CEMIP: variants seen among roughly 807,000 people sequenced by gnomAD.
CEMIP encodes cell migration-inducing and hyaluronan-binding protein.
Under a neutral mutation model 156.9 loss-of-function variants are expected in CEMIP, and 105 were observed. The observed-to-expected ratio is 0.67, with a 90% CI of 0.57 to 0.79. The LOEUF is 0.79. Ranked by LOEUF, CEMIP falls within the 30% of genes least tolerant of loss-of-function variation. CEMIP has a pLI of 0.00. For missense variants in CEMIP, 1,457 were observed against 1,769.4 expected, an observed-to-expected ratio of 0.82 and a Z score of 3.17; for synonymous variants, 676 against 668.4, an observed-to-expected ratio of 1.01 and a Z score of -0.17.
chr15:80,909,032 G>A, intron 13 of CEMIP, 65 bp from the exon 14 acceptor site: 1 of 1,473,792 alleles, frequency 6.8e-7, no homozygotes, highest in Non-Finnish European at 9.4e-7. Flanking sequence ...TGGAATATGG[G>A]CACCAGCCAG....
intron 1 of CEMIP, among the ~76,000 whole-genome samples, chr15:80,810,607 G>A (rs528451508): frequency 6.6e-5 from 10 of 152,192 alleles, no homozygotes; most frequent in East Asian, 3.9e-4. Context: ...CGCCCTCCTC[G>A]GCCTCCCAAA....
At chr15:80,941,628 G>A (rs1045724437) in intron 25 of CEMIP, among the ~76,000 whole-genome samples, 5 of 152,314 alleles carry the variant, frequency 3.3e-5, no homozygotes, top group South Asian at 2.1e-4. Context: ...CACATAGAAC[G>A]TGCTCAGAAT....
chr15:80,920,063 T>C, intron 14 of CEMIP, 31 bp from the exon 15 acceptor site: 1 of 1,608,194 alleles, frequency 6.2e-7, no homozygotes. Flanking sequence ...ACTGGATGCT[T>C]GGTGAAACAC....
chr15:80,929,474 C>CT (rs1440942207), intron 21 of CEMIP, among the ~76,000 whole-genome samples: 1 of 152,190 alleles, frequency 6.6e-6, no homozygotes, highest in African/African-American at 2.4e-5. Context: ...ACTGTGAGTC[C>CT]TTTTCTCTGA....
At position 80,937,814 on chromosome 15, in the gene CEMIP, G is replaced by T; in HGVS notation, c.3242G>T (p.Gly1081Val). 6.2e-7 allele frequency: 1 copy of T among 1,614,198 alleles called. No individual in the cohort carries two copies. Among genetic ancestry groups the T allele is most frequent in the Non-Finnish European group, 8.5e-7 (1 of 1,180,034 alleles). The change falls in exon 25 of 30, where the codon GGG becomes GTG. Residue 1081 changes from glycine to valine, a missense_variant. Gly to Val is a moderately radical substitution (Grantham distance 109). Transcript: ENST00000394685. Reference protein sequence around the residue: ...NFNKGDWIRVGLCYPRGTTFS... With the variant: ...NFNKGDWIRVVLCYPRGTTFS... ...CCTAGGGGCGACTGGATCCGAGTGG[G>T]GCTCTGCTACCCGCGAGGCACCACA...
chr15:80,881,083 A>G lies in CEMIP; in HGVS notation c.564A>G (p.Gly188=). 6.2e-7 allele frequency: 1 copy of G among 1,614,176 alleles called. No homozygotes were observed. Among genetic ancestry groups the G allele is most frequent in the Non-Finnish European group, 8.5e-7 (1 of 1,180,022 alleles). ...TTGAAAGGAGCTGGGGCCACCGTGG[A>G]GTTATTGTTCATGTCATCGACCCCA... ...YFFERSWGHR[G]VIVHVIDPKS... is the part of the protein sequence containing the mutation. The change falls in exon 6 of 30, where the codon GGA becomes GGG. Residue 188 remains glycine (G), a synonymous_variant. Transcript: ENST00000394685.
intron 1 of CEMIP, among the ~76,000 whole-genome samples, chr15:80,800,021 ATGTGTGTGTG>A (rs56412231): frequency 8.8e-5 from 11 of 124,784 alleles, no homozygotes; most frequent in African/African-American, 2.8e-4. Flanking sequence ...AGCTAATTTT[ATGTGTGTGTG>A]TGTGTGTGTG....
chr15:80,836,773 A>AT (rs34386468), intron 1 of CEMIP, among the ~76,000 whole-genome samples: 14 of 151,882 alleles, frequency 9.2e-5, no homozygotes, highest in African/African-American at 1.2e-4. Context: ...CCAGATTTTA[A>AT]TTTTTTTATC....
intron 23 of CEMIP, among the ~76,000 whole-genome samples, chr15:80,935,892 C>T (rs980636910): frequency 2.6e-5 from 4 of 152,196 alleles, no homozygotes; most frequent in Admixed American, 6.5e-5. Context: ...GCATGTGCCA[C>T]CATGCCCAGC....
Position 80,895,020 on chromosome 15 carries a change from A to C in CEMIP, c.1117A>C (p.Thr373Pro). Reference sequence around the variant, plus strand: ...TACAATGGATGGAGTTAACCTCAGCACCGAGGTTGTCTACAAAAAAGGCCA... The same window carrying C: ...TACAATGGATGGAGTTAACCTCAGCCCCGAGGTTGTCTACAAAAAAGGCCA... ...ATTMDGVNLSTEVVYKKGQDY... is the reference protein window; with the variant it reads ...ATTMDGVNLSPEVVYKKGQDY... Residue 373 changes from threonine (T) to proline (P), a missense_variant, in exon 11 of 30, where the codon ACC (threonine) becomes CCC (proline). Thr to Pro is a conservative substitution (Grantham distance 38). Coordinates refer to ENST00000394685, the MANE Select transcript of CEMIP (RefSeq NM_001293298.2). 6.2e-7 allele frequency: 1 copy of C among 1,614,088 alleles called. No homozygotes were observed. Among genetic ancestry groups the C allele is most frequent in the Non-Finnish European group, 8.5e-7 (1 of 1,179,968 alleles).
At chr15:80,862,566 A>ACTGAGCATGG (rs1287330726) in intron 1 of CEMIP, among the ~76,000 whole-genome samples, 7 of 152,314 alleles carry the variant, frequency 4.6e-5, no homozygotes, top group Admixed American at 1.3e-4. Context: ...GGAACATGTA[A>ACTGAGCATGG]CTGAGCATGG....
chr15:80,876,250 T>G lies in CEMIP; in HGVS notation c.94+2277T>G, dbSNP rs531536583. Among the ~76,000 whole-genome samples the G allele has an allele frequency of 4.6e-5, 7 of 152,316 alleles. No homozygotes were observed. The South Asian group carries it at 1.5e-3, about 32-fold the overall frequency. ...CCCAGGGCCTCTGACTGGCCTCTAC[T>G]GGAATCCAGCCAAGCACCTGACCCT... is the stretch of plus-strand genomic sequence containing the variant. On this transcript the variant is annotated intron_variant, in intron 3 of 29. Transcript: ENST00000394685.
rs887763663 is a variant in CEMIP at position 80,931,781 on chromosome 15, T to C, written c.2613-78T>C. 1.5e-5 allele frequency: 22 copies of C among 1,452,038 alleles called. No homozygotes were observed. The East Asian group carries it at 4.3e-4, about 28-fold the overall frequency. 89.9% of individuals were successfully genotyped at this position (1,452,038 alleles called of 1,614,324 possible). ...CCTCAGAAGGGGCAAACATGGCGTT[T>C]AGACTGACGTCTTACTTCCTTAACT... On this transcript the variant is annotated intron_variant, in intron 21 of 29. Coordinates refer to ENST00000394685, the MANE Select transcript of CEMIP (RefSeq NM_001293298.2).
chr15:80,784,373 G>A (rs1487415717), intron 1 of CEMIP, among the ~76,000 whole-genome samples: 6 of 152,170 alleles, frequency 3.9e-5, no homozygotes, highest in Non-Finnish European at 2.9e-5. Flanking sequence ...CACGGAGGAG[G>A]GAGGGCCACA....
chr15:80,891,979 T>A (rs902258176), intron 10 of CEMIP, among the ~76,000 whole-genome samples: 2 of 152,218 alleles, frequency 1.3e-5, no homozygotes, highest in Admixed American at 1.3e-4. Flanking sequence ...AAAAGTTAAA[T>A]GTCCTAGTTA....
intron 14 of CEMIP, among the ~76,000 whole-genome samples, chr15:80,914,086 G>A (rs982391134): frequency 5.7e-4 from 36 of 62,750 alleles, no homozygotes; most frequent in Admixed American, 5.4e-3. Flanking sequence ...GCCTTCAAAG[G>A]AAGGCTCTAC....
chr15:80,840,486 G>T (rs929807322), intron 1 of CEMIP, among the ~76,000 whole-genome samples: 2 of 152,118 alleles, frequency 1.3e-5, no homozygotes, highest in Non-Finnish European at 1.5e-5. Flanking sequence ...TTAAATGTTT[G>T]TTTGGGTTTT....
chr15:80,926,813 AGCGGGTGG>A (rs369912847), intron 19 of CEMIP, among the ~76,000 whole-genome samples: 2,267 of 21,472 alleles, frequency 0.11, 77 homozygotes, highest in African/African-American at 0.17. Flanking sequence ...AGAGAGACTG[AGCGGGTGG>A]GGGGGGGGGG....
intron 22 of CEMIP, among the ~76,000 whole-genome samples, 195 bp from the exon 23 acceptor site, chr15:80,933,050 G>A (rs1900983134): frequency 1.3e-5 from 2 of 152,192 alleles, no homozygotes; most frequent in African/African-American, 2.4e-5. Context: ...GGGAGTTGAG[G>A]CACAGTGAAC....
Sources: allele counts gnomAD v4.1 joint callset (sites outside exome capture counted in the v4.1 genomes callset), GRCh38; gene constraint gnomAD v4.1.1; transcripts MANE v1.5; gene names NCBI Gene and HGNC (gene_info 2026-07-23, HGNC 2026-07-21).